GRM5: variants seen among roughly 807,000 people sequenced by gnomAD.
The protein encoded by GRM5 is metabotropic glutamate receptor 5.
A neutral mutation model predicts 83.1 loss-of-function variants in GRM5; 19 were observed. The ratio of observed to expected loss-of-function variants is 0.23; its 90% confidence interval spans 0.16 to 0.34. The LOEUF (loss-of-function observed/expected upper bound fraction) is 0.34. Ranked by LOEUF, GRM5 falls within the 10% of genes least tolerant of loss-of-function variation. The pLI is 1.00. For missense variants in GRM5, 1,160 were observed against 1,588.3 expected (o/e 0.73, Z 4.58); for synonymous variants, 675 against 633.6 (o/e 1.07, Z -0.98).
At chr11:88,864,352 A>G (rs949766232) in intron 2 of GRM5, among the ~76,000 whole-genome samples, 16 of 151,874 alleles carry the variant, frequency 1.1e-4, no homozygotes, top group African/African-American at 3.4e-4. Context: ...GGCGCTCCAG[A>G]AGGATACAAT....
intron 2 of GRM5, among the ~76,000 whole-genome samples, chr11:88,953,120 T>C (rs1262109196): frequency 1.3e-5 from 2 of 152,212 alleles, no homozygotes; most frequent in Admixed American, 6.5e-5. Context: ...CCTGATGTTC[T>C]AGATCAAATT....
chr11:88,943,744 A>G (rs1938188842), intron 2 of GRM5, among the ~76,000 whole-genome samples: 1 of 152,030 alleles, frequency 6.6e-6, no homozygotes. Context: ...TTACCTCAAC[A>G]TATAGGTTTC....
At chr11:88,852,527 C>G (rs940208372) in intron 2 of GRM5, among the ~76,000 whole-genome samples, 4 of 151,952 alleles carry the variant, frequency 2.6e-5, no homozygotes, top group African/African-American at 9.7e-5. Context: ...TTACTGTACA[C>G]TAGACTAAAA....
In GRM5 at chr11:88,626,689, A is replaced by G. The variant is rs376427683; in HGVS notation, c.1148-21725T>C. On this transcript the variant is annotated intron_variant, in intron 4 of 9. Transcript: ENST00000305447. ...ATATGTTGAAGAAACTCTAATTCCT[A>G]GTGTGATGGTATTTGGAGATGAAGT... is the stretch of plus-strand genomic sequence containing the variant. Among the ~76,000 whole-genome samples, 8 of 152,254 alleles carry G rather than the reference A, an allele frequency of 5.3e-5. No individual in the cohort carries two copies. The East Asian group carries it at 1.2e-3, about 22-fold the overall frequency.
At chr11:88,511,191 ACT>A (rs1419491076) in intron 9 of GRM5, among the ~76,000 whole-genome samples, 1 of 151,732 alleles carries the variant, frequency 6.6e-6, no homozygotes, top group Non-Finnish European at 1.5e-5. Context: ...AATCTGAGAA[ACT>A]CTGGCAGAAA....
chr11:88,938,878 G>T (rs1937990865), intron 2 of GRM5, among the ~76,000 whole-genome samples: 2 of 151,520 alleles, frequency 1.3e-5, no homozygotes, highest in South Asian at 2.1e-4. Flanking sequence ...CTTTCAAGAT[G>T]GTATCAAACA....
chr11:88,977,444 C>T (rs1464870378), intron 2 of GRM5, among the ~76,000 whole-genome samples: 2 of 152,082 alleles, frequency 1.3e-5, no homozygotes, highest in East Asian at 3.9e-4. Context: ...ATCTCCTGAC[C>T]TTGTGATCCG....
chr11:88,978,253 A>G (rs1181507249), intron 2 of GRM5, among the ~76,000 whole-genome samples: 1 of 152,174 alleles, frequency 6.6e-6, no homozygotes, highest in Non-Finnish European at 1.5e-5. Context: ...ATAATAAACA[A>G]GAAAGCTGGA....
intron 9 of GRM5, among the ~76,000 whole-genome samples, chr11:88,512,943 C>A (rs1312971138): frequency 1.3e-5 from 2 of 152,186 alleles, no homozygotes; most frequent in East Asian, 3.9e-4. Context: ...TTTACCTGAC[C>A]TGGAGTTCCA....
At chr11:88,753,752 T>G (rs1942334244) in intron 3 of GRM5, among the ~76,000 whole-genome samples, 1 of 152,098 alleles carries the variant, frequency 6.6e-6, no homozygotes, top group African/African-American at 2.4e-5. Context: ...ACTGATGATA[T>G]AGGCATTCCC....
chr11:88,905,669 C>A (rs1482706502), intron 2 of GRM5, among the ~76,000 whole-genome samples: 1 of 151,974 alleles, frequency 6.6e-6, no homozygotes, highest in Non-Finnish European at 1.5e-5. Flanking sequence ...CGGGGTAGGA[C>A]CTCTTATTAG....
chr11:88,835,933 C>T (rs1326937099), intron 3 of GRM5, among the ~76,000 whole-genome samples: 3 of 152,110 alleles, frequency 2.0e-5, no homozygotes, highest in Non-Finnish European at 4.4e-5. Context: ...TTCTGGTTCT[C>T]CTCTCCACTG....
intron 4 of GRM5, among the ~76,000 whole-genome samples, chr11:88,637,903 C>A (rs1296692339): frequency 6.6e-6 from 1 of 150,690 alleles, no homozygotes; most frequent in South Asian, 2.1e-4. Flanking sequence ...TTGGAACCAA[C>A]CCAAATGTCC....
chr11:88,513,472 C>T (rs1033114774), intron 9 of GRM5, among the ~76,000 whole-genome samples: 1 of 152,092 alleles, frequency 6.6e-6, no homozygotes, highest in African/African-American at 2.4e-5. Context: ...TTCTTATATA[C>T]CTCCCTTTAA....
intron 3 of GRM5, among the ~76,000 whole-genome samples, chr11:88,782,164 A>T (rs1043591367): frequency 6.6e-5 from 10 of 152,074 alleles, no homozygotes; most frequent in Admixed American, 3.3e-4. Flanking sequence ...GAAAATGACA[A>T]TTCTTCTAGA....
At chr11:88,569,256 T>C (rs1942935192) in intron 7 of GRM5, among the ~76,000 whole-genome samples, 1 of 152,196 alleles carries the variant, frequency 6.6e-6, no homozygotes, top group Non-Finnish European at 1.5e-5. Flanking sequence ...AGGAGGATCA[T>C]TCCTGTCAGT....
chr11:88,896,505 GTCTA>G, intron 2 of GRM5, among the ~76,000 whole-genome samples: 1 of 141,192 alleles, frequency 7.1e-6, no homozygotes, highest in African/African-American at 2.6e-5. Flanking sequence ...CTATCTATCT[GTCTA>G]TCTATTAATA....
At chr11:88,898,227 A>G (rs1357567857) in intron 2 of GRM5, among the ~76,000 whole-genome samples, 2 of 151,900 alleles carry the variant, frequency 1.3e-5, no homozygotes, top group African/African-American at 4.8e-5. Context: ...TTGTAAGGAA[A>G]CCAGTTATAT....
chr11:88,789,785 A>G (rs886140083), intron 3 of GRM5, among the ~76,000 whole-genome samples: 15 of 152,196 alleles, frequency 9.9e-5, no homozygotes, highest in Admixed American at 2.6e-4. Flanking sequence ...TGCTGTACCA[A>G]TATTAATGTA....
Sources: gnomAD v4.1 joint callset for allele counts (sites outside exome capture counted in the v4.1 genomes callset) on GRCh38, gnomAD v4.1.1 for gene constraint, MANE v1.5 for transcripts, NCBI Gene and HGNC (gene_info 2026-07-23, HGNC 2026-07-21) for gene names.